CNTN3: variants seen among roughly 807,000 people sequenced by gnomAD.
CNTN3 encodes the protein contactin 3.
Under a neutral mutation model 119.1 loss-of-function variants are expected in CNTN3, and 60 were observed. The observed-to-expected ratio is 0.50, with a 90% CI of 0.41 to 0.62. The LOEUF is 0.62. CNTN3 is among the 20% of genes least tolerant of loss of function. CNTN3 has a pLI of 0.00. For synonymous variants in CNTN3, 450 were observed against 438.7 expected (o/e 1.03, Z -0.32); for missense variants, 1,101 against 1,242.4 (o/e 0.89, Z 1.71).
intron 5 of CNTN3, among the ~76,000 whole-genome samples, chr3:74,374,305 AC>A (rs1409401659): frequency 1.3e-5 from 2 of 150,798 alleles, no homozygotes; most frequent in Non-Finnish European, 3.0e-5. Context: ...TAATAAAAAA[AC>A]TTCTCCAGTT....
At chr3:74,491,783 C>T (rs574741211) in intron 3 of CNTN3, among the ~76,000 whole-genome samples, 2 of 152,136 alleles carry the variant, frequency 1.3e-5, no homozygotes, top group Admixed American at 1.3e-4. Flanking sequence ...GTAAAAATTA[C>T]AAATTTCTAC....
chr3:74,546,619 T>G (rs1414197018), intron 1 of CNTN3, among the ~76,000 whole-genome samples: 4 of 152,208 alleles, frequency 2.6e-5, no homozygotes, highest in African/African-American at 9.6e-5. Flanking sequence ...CATCAGCCTG[T>G]GGACTCTTGG....
intron 1 of CNTN3, among the ~76,000 whole-genome samples, chr3:74,601,257 A>T (rs1196216221): frequency 2.0e-5 from 3 of 152,022 alleles, no homozygotes; most frequent in Non-Finnish European, 4.4e-5. Flanking sequence ...GAAGAAACTG[A>T]GACTTAGAGA....
intron 4 of CNTN3, among the ~76,000 whole-genome samples, chr3:74,444,992 G>C (rs1352264153): frequency 6.6e-6 from 1 of 152,090 alleles, no homozygotes; most frequent in Non-Finnish European, 1.5e-5. Flanking sequence ...GACTTGAAGG[G>C]ATTAAATACA....
At chr3:74,361,839 T>C (rs1034996622) in intron 11 of CNTN3, 51 bp downstream of exon 11, 4 of 1,548,666 alleles carry the variant, frequency 2.6e-6, no homozygotes, top group Non-Finnish European at 3.5e-6. Context: ...TTGACATCAG[T>C]ATGGAAAGTG....
At chr3:74,281,248 T>C (rs1426016083) in intron 20 of CNTN3, among the ~76,000 whole-genome samples, 3 of 152,178 alleles carry the variant, frequency 2.0e-5, no homozygotes, top group African/African-American at 7.2e-5. Flanking sequence ...TGAGAGGCCA[T>C]TGCCCTGATC....
chr3:74,383,326 A>G (rs11713787), intron 5 of CNTN3, among the ~76,000 whole-genome samples: 43,315 of 152,048 alleles, frequency 0.28, 7,278 homozygotes, highest in Non-Finnish European at 0.37. Flanking sequence ...AGTTACCAGC[A>G]CACCATTTTA....
At chr3:74,381,806 C>CT (rs1363724023) in intron 5 of CNTN3, among the ~76,000 whole-genome samples, 1 of 152,154 alleles carries the variant, frequency 6.6e-6, no homozygotes, top group Admixed American at 6.5e-5. Flanking sequence ...AAAAAGCCCT[C>CT]CTGATGTTAC....
At chr3:74,472,941 T>C (rs1702590988) in intron 4 of CNTN3, among the ~76,000 whole-genome samples, 1 of 152,182 alleles carries the variant, frequency 6.6e-6, no homozygotes, top group Non-Finnish European at 1.5e-5. Context: ...CGGTAATTTT[T>C]ATTTTCAGAT....
chr3:74,311,278 A>C (rs571404969), intron 13 of CNTN3, among the ~76,000 whole-genome samples: 1 of 152,286 alleles, frequency 6.6e-6, no homozygotes, highest in Admixed American at 6.5e-5. Context: ...CAGAAGTGTG[A>C]ATTTTTCATC....
At chr3:74,465,301 G>A (rs557534195) in intron 4 of CNTN3, among the ~76,000 whole-genome samples, 33 of 152,128 alleles carry the variant, frequency 2.2e-4, no homozygotes, top group African/African-American at 7.7e-4. Context: ...AGTATCGTGC[G>A]GACAGGTAGA....
chr3:74,378,301 G>T (rs932535604), intron 5 of CNTN3, among the ~76,000 whole-genome samples: 17 of 152,160 alleles, frequency 1.1e-4, no homozygotes, highest in Admixed American at 2.0e-4. Context: ...TGAAGAGTCC[G>T]CACTGTAAAC....
At chr3:74,385,899 T>C (rs1177907340) in intron 5 of CNTN3, among the ~76,000 whole-genome samples, 1 of 152,236 alleles carries the variant, frequency 6.6e-6, no homozygotes, top group Non-Finnish European at 1.5e-5. Context: ...GTAGTTTCTC[T>C]TTCAAAAATA....
intron 4 of CNTN3, among the ~76,000 whole-genome samples, chr3:74,443,512 T>G (rs538522248): frequency 6.6e-6 from 1 of 152,150 alleles, no homozygotes; most frequent in African/African-American, 2.4e-5. Flanking sequence ...GAACCCAAAC[T>G]CTTTCGCATG....
chr3:74,600,785 G>A (rs1205944799), intron 1 of CNTN3, among the ~76,000 whole-genome samples: 1 of 152,018 alleles, frequency 6.6e-6, no homozygotes, highest in Admixed American at 6.6e-5. Flanking sequence ...CCATGGAAGT[G>A]ATTCGTGGGT....
At chr3:74,612,797 T>C (rs559752256) in intron 1 of CNTN3, among the ~76,000 whole-genome samples, 1 of 152,328 alleles carries the variant, frequency 6.6e-6, no homozygotes, top group East Asian at 1.9e-4. Context: ...CCCCACTCTT[T>C]ATTATTTGCA....
At chr3:74,575,495 C>T (rs1704399467) in intron 1 of CNTN3, among the ~76,000 whole-genome samples, 2 of 151,776 alleles carry the variant, frequency 1.3e-5, no homozygotes, top group African/African-American at 4.8e-5. Flanking sequence ...CGTGATCTGC[C>T]CACCTCAGCC....
At chr3:74,314,715 C>A (rs968468390) in intron 13 of CNTN3, among the ~76,000 whole-genome samples, 2 of 152,146 alleles carry the variant, frequency 1.3e-5, no homozygotes, top group Non-Finnish European at 2.9e-5. Context: ...GACTTCAACA[C>A]CTCTCTATCA....
chr3:74,332,191 C>T (rs556073379), intron 13 of CNTN3, among the ~76,000 whole-genome samples: 1 of 152,340 alleles, frequency 6.6e-6, no homozygotes, highest in Non-Finnish European at 1.5e-5. Context: ...GGCAAGCAGA[C>T]TATCTTTGTA....
Sources: allele counts gnomAD v4.1 joint callset (sites outside exome capture counted in the v4.1 genomes callset), GRCh38; gene constraint gnomAD v4.1.1; transcripts MANE v1.5; gene names NCBI Gene and HGNC (gene_info 2026-07-23, HGNC 2026-07-21).